NBAS: variants seen among roughly 807,000 people sequenced by gnomAD.
NBAS encodes the protein NBAS subunit of NRZ tethering complex.
A neutral mutation model predicts 302.5 loss-of-function variants in NBAS; 219 were observed. That is an observed-to-expected ratio of 0.72 (90% CI 0.65 to 0.81). The LOEUF is 0.81. NBAS is among the 30% of genes least tolerant of loss of function. NBAS has a pLI of 0.00. For missense variants in NBAS, 2,932 were observed against 2,841.6 expected (o/e 1.03, Z -0.72); for synonymous variants, 1,118 against 1,021.6 (o/e 1.09, Z -1.80).
At chr2:15,194,531 C>A (rs1023693905) in intron 48 of NBAS, among the ~76,000 whole-genome samples, 12 of 152,098 alleles carry the variant, frequency 7.9e-5, no homozygotes, top group Admixed American at 2.6e-4. Context: ...ACTAATAGCC[C>A]TCATCTTAAA....
intron 33 of NBAS, among the ~76,000 whole-genome samples, chr2:15,355,341 A>G (rs1673562132): frequency 6.6e-6 from 1 of 151,666 alleles, no homozygotes; most frequent in East Asian, 1.9e-4. Flanking sequence ...CAACAACAAC[A>G]ACAAAACTCC....
At chr2:15,252,172 G>T (rs974890877) in intron 44 of NBAS, among the ~76,000 whole-genome samples, 6 of 152,196 alleles carry the variant, frequency 3.9e-5, no homozygotes, top group African/African-American at 1.2e-4. Context: ...TCACCGCTGT[G>T]AAATCTTGCT....
At chr2:14,956,918 C>T in the NBAS span, among the ~76,000 whole-genome samples, 1 of 152,108 alleles carries the variant, frequency 6.6e-6, no homozygotes, top group East Asian at 1.9e-4. Context: ...TCAACATATG[C>T]AAAGTGATCT....
At chr2:15,464,047 T>C (rs188740627) in intron 19 of NBAS, among the ~76,000 whole-genome samples, 18 of 152,240 alleles carry the variant, frequency 1.2e-4, no homozygotes, top group East Asian at 7.7e-4. Context: ...CTGAAAATGG[T>C]TGGTGCTGAG....
At chr2:15,075,760 T>TACACACACACACACACAC in the NBAS span, among the ~76,000 whole-genome samples, 1 of 149,958 alleles carries the variant, frequency 6.7e-6, no homozygotes, top group Admixed American at 6.7e-5. Flanking sequence ...CCAAAATTTA[T>TACACACACACACACACAC]ACACACACAC....
chr2:15,276,709 T>C lies in NBAS; in HGVS notation c.5389+142A>G. 4.0e-6 allele frequency: 5 copies of C among 1,243,280 alleles called. No individual in the cohort carries two copies. The South Asian group carries it at 6.7e-5, about 17-fold the overall frequency. 77.0% of individuals were successfully genotyped at this position (1,243,280 alleles called of 1,614,324 possible). A position where few individuals can be genotyped will look rare whatever the true frequency, so the allele number is the denominator to read the frequency against. On this transcript the variant is annotated intron_variant, in intron 43 of 51. Coordinates refer to ENST00000281513, the MANE Select transcript of NBAS (RefSeq NM_015909.4). ...ACTATAAGTGAAAGAGTTGGAAAGATAATAACTAAAGTCGATTAGCTTCAA... is the reference window on the plus strand; with the variant it reads ...ACTATAAGTGAAAGAGTTGGAAAGACAATAACTAAAGTCGATTAGCTTCAA...
At chr2:14,970,439 A>G in the NBAS span, among the ~76,000 whole-genome samples, 1 of 152,236 alleles carries the variant, frequency 6.6e-6, no homozygotes, top group Non-Finnish European at 1.5e-5. Flanking sequence ...CTTCATCTGT[A>G]TAATGGGAAT....
chr2:15,542,597 CTGCGAGAAACACCCAAGAATGATCAA>C (rs1187354670), intron 6 of NBAS, among the ~76,000 whole-genome samples: 5 of 149,248 alleles, frequency 3.4e-5, no homozygotes, highest in Non-Finnish European at 7.4e-5. Flanking sequence ...AAATCCCCCT[CTGCGAGAAACACCCAAGAATGATCAA>C]TAAAAAAATA....
intron 40 of NBAS, among the ~76,000 whole-genome samples, chr2:15,302,797 G>A (rs2148141039): frequency 6.6e-6 from 1 of 152,320 alleles, no homozygotes; most frequent in East Asian, 1.9e-4. Context: ...CCCTCAATGT[G>A]GGTGAGCACT....
intron 6 of NBAS, among the ~76,000 whole-genome samples, chr2:15,540,004 T>C (rs1663724162): frequency 6.6e-6 from 1 of 152,198 alleles, no homozygotes. Context: ...AATTTTTTTC[T>C]GTTCTGAATT....
At chr2:14,875,711 G>C in the NBAS span, among the ~76,000 whole-genome samples, 2 of 152,134 alleles carry the variant, frequency 1.3e-5, no homozygotes, top group African/African-American at 4.8e-5. Context: ...AATATGAAAT[G>C]TTTGATATTT....
the NBAS span, among the ~76,000 whole-genome samples, chr2:15,082,171 G>C: frequency 6.6e-6 from 1 of 152,160 alleles, no homozygotes; most frequent in Non-Finnish European, 1.5e-5. Flanking sequence ...TTTTGTGCAT[G>C]AGTACCCTGT....
chr2:14,991,521 C>T, the NBAS span, among the ~76,000 whole-genome samples: 18 of 152,192 alleles, frequency 1.2e-4, no homozygotes, highest in Non-Finnish European at 5.9e-5. Context: ...TCCTGCAGCA[C>T]CATGGTTCTC....
At chr2:15,089,434 T>C in the NBAS span, among the ~76,000 whole-genome samples, 3 of 152,224 alleles carry the variant, frequency 2.0e-5, no homozygotes, top group Non-Finnish European at 4.4e-5. Flanking sequence ...TTCCTCATTT[T>C]ACAAATGGAA....
At chr2:14,854,091 T>TA in the NBAS span, among the ~76,000 whole-genome samples, 7 of 149,044 alleles carry the variant, frequency 4.7e-5, no homozygotes, top group African/African-American at 1.5e-4. Flanking sequence ...ATAATAATAA[T>TA]AAAAAAAAGA....
chr2:15,008,891 G>C, the NBAS span, among the ~76,000 whole-genome samples: 1 of 152,050 alleles, frequency 6.6e-6, no homozygotes, highest in Non-Finnish European at 1.5e-5. Flanking sequence ...CTCATTTATT[G>C]GTCCCTTTGA....
At position 15,327,807 on chromosome 2, in the gene NBAS, T is replaced by A; in HGVS notation, c.4525A>T (p.Arg1509Ter). 1 of 1,613,766 alleles carries A rather than the reference T, an allele frequency of 6.2e-7. No homozygotes were observed. Among genetic ancestry groups the A allele is most frequent in the East Asian group, 2.2e-5 (1 of 44,830 alleles). The change falls in exon 38 of 52, where the codon AGA becomes TGA. Residue 1509 changes from arginine (R) to a stop codon, truncating the protein, a stop_gained. Coordinates refer to ENST00000281513, the MANE Select transcript of NBAS (RefSeq NM_015909.4). LOFTEE classifies it high-confidence loss of function. ...PVESFAEVLL[R>*]TGKLAEAKNK... ...TTAGCCTCTGCCAATTTTCCAGTTC[T>A]CAGCAATACTTCTGCAAAGCTTTCC... is the stretch of plus-strand genomic sequence containing the variant.
Position 15,287,061 on chromosome 2 carries a change from C to T in NBAS, c.5138+12G>A. On this transcript the variant is annotated intron_variant, in intron 42 of 51. Coordinates refer to ENST00000281513, the MANE Select transcript of NBAS (RefSeq NM_015909.4). The stretch of plus-strand genomic sequence containing the variant: ...ACATGGAAACAAACGTACATATGAA[C>T]TGTGTGCTTACCCACTGTCCGTGAA... 1 of 1,570,608 alleles carries T rather than the reference C, an allele frequency of 6.4e-7. No individual in the cohort carries two copies. Among genetic ancestry groups the T allele is most frequent in the Non-Finnish European group, 8.8e-7 (1 of 1,140,396 alleles).
At chr2:15,234,827 G>A in intron 45 of NBAS, 80 bp from the exon 46 acceptor site, 1 of 1,424,660 alleles carries the variant, frequency 7.0e-7, no homozygotes, top group Non-Finnish European at 9.9e-7. Context: ...AACATATTTA[G>A]ATCCTCGAAC....
Sources: allele counts gnomAD v4.1 joint callset (sites outside exome capture counted in the v4.1 genomes callset), GRCh38; gene constraint gnomAD v4.1.1; transcripts MANE v1.5; gene names NCBI Gene and HGNC (gene_info 2026-07-23, HGNC 2026-07-21).